THADA: variants seen among roughly 807,000 people sequenced by gnomAD.
THADA encodes the protein tRNA (32-2'-O)-methyltransferase regulator THADA.
Under a neutral mutation model 219.8 loss-of-function variants are expected in THADA, and 213 were observed. The observed-to-expected ratio is 0.97, with a 90% CI of 0.87 to 1.09. THADA has a LOEUF of 1.09. Ranked by LOEUF, THADA falls within the 50% of genes least tolerant of loss-of-function variation. THADA has a pLI of 0.00. For missense variants in THADA, 2,956 were observed against 2,311.3 expected, an observed-to-expected ratio of 1.28 and a Z score of -5.72; for synonymous variants, 1,018 against 828.9, an observed-to-expected ratio of 1.23 and a Z score of -3.92.
chr2:43,437,250 T>A (rs1232081426), intron 26 of THADA, among the ~76,000 whole-genome samples: 1 of 152,224 alleles, frequency 6.6e-6, no homozygotes, highest in African/African-American at 2.4e-5. Context: ...AGACTTCCAA[T>A]CTACAGGTTA....
In THADA at chr2:43,336,653, C is replaced by T. The variant is rs75766905; in HGVS notation, c.4343+7469G>A. Among the ~76,000 whole-genome samples the T allele has an allele frequency of 2.2e-3, 331 of 152,130 alleles. 6 individuals are homozygous for T. The East Asian group carries it at 0.042, about 20-fold the overall frequency. ...ACCACAGTATCAGGTTTAAATGGTA[C>T]TTCTGAGGGCCAGTGAGATAACTTG... On this transcript the variant is annotated intron_variant, in intron 30 of 37. Coordinates refer to ENST00000405975, the MANE Select transcript of THADA (RefSeq NM_022065.5).
rs1283175171 is a variant in THADA, at chr2:43,514,674, ATATAT to A, written c.3375-5899_3375-5895del. Among the ~76,000 whole-genome samples, 23 of 76,162 alleles carry A rather than the reference ATATAT, an allele frequency of 3.0e-4. 1 individual carries two copies. Among genetic ancestry groups the A allele is most frequent in the South Asian group, 7.2e-4 (2 of 2,760 alleles). The allele number at this position is 76,162 out of a possible 152,430, so 50.0% of individuals were successfully genotyped here. ...TATATATTGTATATAATAATATATA[ATATAT>A]TATATTATATATAATATATATAATA... On this transcript the variant is annotated intron_variant, in intron 22 of 37. Coordinates refer to ENST00000405975, the MANE Select transcript of THADA (RefSeq NM_022065.5).
At chr2:43,521,206 AAG>A (rs1016732942) in intron 22 of THADA, among the ~76,000 whole-genome samples, 1 of 151,468 alleles carries the variant, frequency 6.6e-6, no homozygotes, top group African/African-American at 2.4e-5. Context: ...GAGGGAAGGA[AAG>A]AGGGCAGGAG....
intron 34 of THADA, among the ~76,000 whole-genome samples, chr2:43,288,675 T>C (rs1674336313): frequency 1.3e-5 from 2 of 152,162 alleles, no homozygotes; most frequent in African/African-American, 4.8e-5. Flanking sequence ...CTCTGAACTT[T>C]TCATTCTTCA....
chr2:43,452,180 G>C (rs1035629783), intron 26 of THADA, among the ~76,000 whole-genome samples: 1 of 152,082 alleles, frequency 6.6e-6, no homozygotes, highest in African/African-American at 2.4e-5. Flanking sequence ...GACTAATTTA[G>C]CATAAGGTCC....
At chr2:43,350,283 T>C (rs1668104966) in intron 29 of THADA, among the ~76,000 whole-genome samples, 1 of 152,186 alleles carries the variant, frequency 6.6e-6, no homozygotes, top group African/African-American at 2.4e-5. Context: ...GGGAGGAATC[T>C]AAACTTTCTA....
chr2:43,244,257 T>C (rs1045843017), intron 36 of THADA, among the ~76,000 whole-genome samples: 15 of 152,224 alleles, frequency 9.9e-5, no homozygotes, highest in African/African-American at 3.6e-4. Flanking sequence ...TGATAAATTA[T>C]AGCCAGTTAA....
chr2:43,551,574 T>C (rs564813116), intron 19 of THADA, among the ~76,000 whole-genome samples: 1 of 148,756 alleles, frequency 6.7e-6, no homozygotes, highest in African/African-American at 2.5e-5. Context: ...ACCGTGCTCA[T>C]CCTCTGGTTT....
chr2:43,451,587 T>C (rs7599781), intron 26 of THADA, among the ~76,000 whole-genome samples: 16,807 of 152,196 alleles, frequency 0.11, 1,057 homozygotes, highest in African/African-American at 0.16. Context: ...TTAGTAAATA[T>C]TTGCTATCTT....
chr2:43,244,354 T>C (rs1469966104), intron 36 of THADA, among the ~76,000 whole-genome samples: 2 of 152,206 alleles, frequency 1.3e-5, no homozygotes, highest in Non-Finnish European at 2.9e-5. Flanking sequence ...TTCAAACAAA[T>C]ATTGCTCTCA....
intron 16 of THADA, among the ~76,000 whole-genome samples, chr2:43,557,295 G>A (rs1346600495): frequency 6.6e-6 from 1 of 152,086 alleles, no homozygotes; most frequent in Non-Finnish European, 1.5e-5. Flanking sequence ...CAGCAAAAGT[G>A]TACTTTGTCC....
At chr2:43,255,921 C>T (rs1424678137) in intron 36 of THADA, among the ~76,000 whole-genome samples, 2 of 152,188 alleles carry the variant, frequency 1.3e-5, no homozygotes, top group Non-Finnish European at 1.5e-5. Flanking sequence ...AGCCCTCAAA[C>T]TCATGGAGCT....
rs1572887147 is a variant in THADA at position 43,278,901 on chromosome 2, C to T, written c.5296+864G>A. ...CTGTCTATTAAGGTGAACTTCTTTG[C>T]TCAGCTTTGATCCCTTGCCTCAAAA... On this transcript the variant is annotated intron_variant, in intron 36 of 37. Coordinates refer to ENST00000405975, the MANE Select transcript of THADA (RefSeq NM_022065.5). Among the ~76,000 whole-genome samples, 4 of 152,292 alleles carry T rather than the reference C, an allele frequency of 2.6e-5. No individual in the cohort carries two copies. In the South Asian group the frequency reaches 8.3e-4, roughly 32 times the overall value.
At position 43,232,833 on chromosome 2, in the gene THADA, C is replaced by T. The variant is rs778947995; in HGVS notation, c.5346G>A (p.Leu1782=). The change falls in exon 37 of 38, where the codon CTG becomes CTA. Residue 1782 remains leucine, a synonymous_variant. Coordinates refer to ENST00000405975, the MANE Select transcript of THADA (RefSeq NM_022065.5). ...VDASIALALA[L]AVLCDLLQQW... The stretch of plus-strand genomic sequence containing the variant: ...GCTGGAGCAGATCACACAGGACGGC[C>T]AGGGCCAGGGCCAGAGCGATGGAGG... 3.1e-6 allele frequency: 5 copies of T among 1,612,188 alleles called. No homozygotes were observed. The Middle Eastern group carries it at 4.9e-4, about 159-fold the overall frequency.
At position 43,398,102 on chromosome 2, in the gene THADA, C is replaced by T. The variant is rs1431071311; in HGVS notation, c.4096G>A (p.Ala1366Thr). 1 of 1,613,912 alleles carries T rather than the reference C, an allele frequency of 6.2e-7. No individual in the cohort carries two copies. Among genetic ancestry groups the T allele is most frequent in the Non-Finnish European group, 8.5e-7 (1 of 1,179,828 alleles). The change falls in exon 29 of 38, where the codon GCA becomes ACA. Residue 1366 changes from alanine (A) to threonine (T), a missense_variant. Coordinates refer to ENST00000405975, the MANE Select transcript of THADA (RefSeq NM_022065.5). The stretch of plus-strand genomic sequence containing the variant: ...ACAAATGGGACCAAGGCACGAGCTG[C>T]CATTTCACGGGAGTGGTAGACAGGT... ...HSPVYHSREMAARALVPFVMI... is the reference protein window; with the variant it reads ...HSPVYHSREMTARALVPFVMI...
At chr2:43,473,482 A>G (rs1002157145) in intron 26 of THADA, among the ~76,000 whole-genome samples, 1 of 152,144 alleles carries the variant, frequency 6.6e-6, no homozygotes, top group African/African-American at 2.4e-5. Flanking sequence ...CCAGTTTTAC[A>G]GTTAACTTTT....
intron 20 of THADA, among the ~76,000 whole-genome samples, 158 bp from the exon 21 acceptor site, chr2:43,541,474 G>A (rs906616185): frequency 1.3e-5 from 2 of 152,026 alleles, no homozygotes; most frequent in African/African-American, 4.8e-5. Flanking sequence ...AACATTTGTC[G>A]AGCATGTGTT....
At chr2:43,535,169 T>C (rs1383107062) in intron 21 of THADA, among the ~76,000 whole-genome samples, 2 of 100,854 alleles carry the variant, frequency 2.0e-5, no homozygotes, top group Non-Finnish European at 4.0e-5. Context: ...TCATTTGTCC[T>C]TTTTTTTTTT....
chr2:43,428,208 T>C lies in THADA; in HGVS notation c.3950A>G (p.His1317Arg), dbSNP rs1199412028. Residue 1317 changes from histidine (H) to arginine (R), a missense_variant, in exon 28 of 38, where the codon CAT becomes CGT. Transcript: ENST00000405975. ...CAAAAGTAAGAGAAACATGCTTGGATGACGATTTGGTTCTCCCATATCACT... is the reference window on the plus strand; with the variant it reads ...CAAAAGTAAGAGAAACATGCTTGGACGACGATTTGGTTCTCCCATATCACT... Reference protein sequence around the residue: ...VDSDMGEPNRHPSMFLLLLVL... With the variant: ...VDSDMGEPNRRPSMFLLLLVL... 1.2e-6 allele frequency: 2 copies of C among 1,602,814 alleles called. No individual in the cohort carries two copies. The highest frequency in any genetic ancestry group is 1.7e-6 in the Non-Finnish European group (2 of 1,173,690).
Sources: allele counts gnomAD v4.1 joint callset (sites outside exome capture counted in the v4.1 genomes callset), GRCh38; gene constraint gnomAD v4.1.1; transcripts MANE v1.5; gene names NCBI Gene and HGNC (gene_info 2026-07-23, HGNC 2026-07-21).